The following LRRIQ3 variants were observed in gnomAD, a reference collection of about 807,000 sequenced individuals.
LRRIQ3 encodes the protein leucine-rich repeat and IQ domain-containing protein 3.
In LRRIQ3, 75 loss-of-function variants were observed where a neutral mutation model predicts 59.3. The ratio of observed to expected loss-of-function variants is 1.26; its 90% CI spans 1.05 to 1.53. LRRIQ3 has a LOEUF of 1.53. Ranked by LOEUF, LRRIQ3 falls within the 40% of genes most tolerant of loss-of-function variation. LRRIQ3 has a pLI of 0.00. For synonymous variants in LRRIQ3, 250 were observed against 231.3 expected, an observed-to-expected ratio of 1.08 and a Z score of -0.73; for missense variants, 831 against 710.0, an observed-to-expected ratio of 1.17 and a Z score of -1.94.
intron 5 of LRRIQ3, chr1:74,082,391 T>C (rs1646283242): frequency 6.6e-6 from 1 of 151,430 alleles, no homozygotes; most frequent in African/African-American, 2.4e-5. Flanking sequence ...GTAATATGAG[T>C]TTACACTGCT....
intron 1 of LRRIQ3, among the ~76,000 whole-genome samples, chr1:74,190,666 T>C (rs1168231076): frequency 1.3e-5 from 2 of 151,282 alleles, no homozygotes; most frequent in African/African-American, 2.4e-5. Flanking sequence ...GAGAACATCA[T>C]GTAGGATAAA....
At chr1:74,168,441 T>C (rs571001710) in intron 3 of LRRIQ3, among the ~76,000 whole-genome samples, 2 of 152,216 alleles carry the variant, frequency 1.3e-5, no homozygotes, top group African/African-American at 4.8e-5. Flanking sequence ...TACATATTTT[T>C]CCATCATTTT....
chr1:74,188,984 A>C (rs1362348990), intron 1 of LRRIQ3, among the ~76,000 whole-genome samples: 1 of 152,184 alleles, frequency 6.6e-6, no homozygotes. Context: ...GGCTTAAAAT[A>C]ACCATCATTT....
At chr1:74,119,233 T>G (rs1037711392) in intron 4 of LRRIQ3, among the ~76,000 whole-genome samples, 9 of 152,106 alleles carry the variant, frequency 5.9e-5, no homozygotes, top group Non-Finnish European at 1.2e-4. Context: ...CACTTTAAAT[T>G]TTTTTTCAAA....
chr1:74,142,235 A>G (rs2100639468), intron 4 of LRRIQ3, among the ~76,000 whole-genome samples: 1 of 152,066 alleles, frequency 6.6e-6, no homozygotes, highest in Middle Eastern at 3.4e-3. Flanking sequence ...TTTTTCCCAC[A>G]GTAGCTGTAC....
At chr1:74,173,687 TTTG>T (rs2100705026) in intron 3 of LRRIQ3, among the ~76,000 whole-genome samples, 2 of 152,156 alleles carry the variant, frequency 1.3e-5, no homozygotes, top group South Asian at 4.2e-4. Flanking sequence ...AGTAACAAAT[TTTG>T]TTTAGACTTA....
intron 3 of LRRIQ3, 120 bp from the exon 4 acceptor site, chr1:74,155,986 A>G (rs28534410): frequency 1.7e-6 from 1 of 572,260 alleles, no homozygotes; most frequent in Non-Finnish European, 2.7e-6. Context: ...AAGGTCTTAC[A>G]GGCATTATAG....
Position 74,037,737 on chromosome 1 carries a change from T to G in LRRIQ3, c.1718+3476A>C, listed in dbSNP as rs189231126. Among the ~76,000 whole-genome samples the G allele has an allele frequency of 4.4e-4, 67 of 152,278 alleles. No homozygotes were observed. The East Asian group carries it at 9.7e-3, about 22-fold the overall frequency. On this transcript the variant is annotated intron_variant, in intron 7 of 7. Coordinates refer to ENST00000354431, the MANE Select transcript of LRRIQ3 (RefSeq NM_001105659.2). The stretch of plus-strand genomic sequence containing the variant: ...GAGAGGAAGGAAGAGCAGTGTGCTG[T>G]GGTGGCCCACCTAAGAGCCACACGG...
chr1:74,188,565 T>C (rs540304489), intron 1 of LRRIQ3, among the ~76,000 whole-genome samples: 2 of 152,332 alleles, frequency 1.3e-5, no homozygotes, highest in South Asian at 4.1e-4. Flanking sequence ...ACTCTGATTC[T>C]ATCCACACAT....
At position 74,074,750 on chromosome 1, in the gene LRRIQ3, T is replaced by C. The variant is rs747870464; in HGVS notation, c.908A>G (p.His303Arg). The C allele has an allele frequency of 1.4e-6, 2 of 1,426,822 alleles. No homozygotes were observed. The highest frequency in any genetic ancestry group is 2.2e-5 in the Admixed American group (1 of 45,328). 88.4% of individuals were successfully genotyped at this position (1,426,822 alleles called of 1,614,324 possible). Residue 303 changes from histidine to arginine, a missense_variant, in exon 6 of 8, where the codon CAC becomes CGC. By Grantham distance (29) the His-to-Arg change is conservative (BLOSUM62 0). Transcript: ENST00000354431. Reference sequence around the variant, plus strand: ...TAAAATAGATGACACATGTTTTCTGTGTTCACTGGAATTTTTTAAATCAAC... The same window carrying C: ...TAAAATAGATGACACATGTTTTCTGCGTTCACTGGAATTTTTTAAATCAAC... Reference protein sequence around the residue: ...YPVDLKNSSEHRKHVSSILCE... With the variant: ...YPVDLKNSSERRKHVSSILCE...
At chr1:74,124,250 A>T (rs569352523) in intron 4 of LRRIQ3, among the ~76,000 whole-genome samples, 76 of 152,020 alleles carry the variant, frequency 5.0e-4, no homozygotes, top group African/African-American at 1.8e-3. Context: ...AGCTCCTTAT[A>T]TATTGTAGCT....
chr1:74,127,269 A>T (rs182230730), intron 4 of LRRIQ3, among the ~76,000 whole-genome samples: 2 of 151,974 alleles, frequency 1.3e-5, no homozygotes, highest in Admixed American at 6.6e-5. Flanking sequence ...ACTGGTAACC[A>T]ATCATTGAGT....
At chr1:74,125,454 T>C (rs1321655803) in intron 4 of LRRIQ3, among the ~76,000 whole-genome samples, 1 of 151,742 alleles carries the variant, frequency 6.6e-6, no homozygotes, top group East Asian at 1.9e-4. Context: ...GAAAAGCCAG[T>C]TTTTTCCTAT....
rs1407035037 is a variant in LRRIQ3, at chr1:74,109,270, C to T, written c.867+124G>A. On this transcript the variant is annotated intron_variant, in intron 5 of 7. Coordinates refer to ENST00000354431, the MANE Select transcript of LRRIQ3 (RefSeq NM_001105659.2). ...CTTTTTTCAATCAAAAAATATAAAG[C>T]AGGATATTAACAATGTAATGAAGGA... 6.8e-6 allele frequency: 5 copies of T among 738,906 alleles called. No individual in the cohort carries two copies. The Admixed American group carries it at 1.3e-4, about 19-fold the overall frequency. 45.8% of individuals were successfully genotyped at this position (738,906 alleles called of 1,614,324 possible). A position where few individuals can be genotyped will look rare whatever the true frequency, so the allele number is the denominator to read the frequency against.
At chr1:74,126,214 C>T (rs1304910249) in intron 4 of LRRIQ3, among the ~76,000 whole-genome samples, 1 of 151,744 alleles carries the variant, frequency 6.6e-6, no homozygotes, top group African/African-American at 2.4e-5. Context: ...ACTATCATCT[C>T]TGATTTTGCT....
intron 5 of LRRIQ3, among the ~76,000 whole-genome samples, chr1:74,104,847 G>A (rs1349929808): frequency 6.6e-6 from 1 of 151,972 alleles, no homozygotes; most frequent in African/African-American, 2.4e-5. Context: ...GTCAGTATGG[G>A]TCCATCTATT....
At chr1:74,112,865 G>C (rs7522799) in intron 4 of LRRIQ3, among the ~76,000 whole-genome samples, 82 of 152,044 alleles carry the variant, frequency 5.4e-4, no homozygotes, top group African/African-American at 2.0e-3. Flanking sequence ...ATCCCGGATT[G>C]TTACGATACA....
At chr1:74,164,119 G>T (rs925669988) in intron 3 of LRRIQ3, among the ~76,000 whole-genome samples, 1 of 151,524 alleles carries the variant, frequency 6.6e-6, no homozygotes, top group Admixed American at 6.6e-5. Flanking sequence ...GTGTGTGTAT[G>T]TGTGTCTGTG....
intron 3 of LRRIQ3, among the ~76,000 whole-genome samples, chr1:74,176,382 A>G (rs951384672): frequency 6.6e-6 from 1 of 151,616 alleles, no homozygotes; most frequent in African/African-American, 2.4e-5. Flanking sequence ...TGTTTTCCAG[A>G]TTTTTTTCTT....
Sources: gnomAD v4.1 joint callset for allele counts (sites outside exome capture counted in the v4.1 genomes callset) on GRCh38, gnomAD v4.1.1 for gene constraint, MANE v1.5 for transcripts, NCBI Gene and HGNC (gene_info 2026-07-23, HGNC 2026-07-21) for gene names.